EPB41L4A: variants seen among roughly 807,000 people sequenced by gnomAD.
EPB41L4A encodes the protein erythrocyte membrane protein band 4.1 like 4A.
Under a neutral mutation model 108.6 loss-of-function variants are expected in EPB41L4A, and 100 were observed. The observed-to-expected ratio is 0.92, with a 90% CI of 0.78 to 1.09. The LOEUF (loss-of-function observed/expected upper bound fraction) is 1.09, where lower values mean the gene tolerates loss of function less well. EPB41L4A is among the 50% of genes least tolerant of loss of function. The probability of loss-of-function intolerance (pLI) is 0.00; values close to 1 mark genes in which losing one functional copy is unlikely to be tolerated. For synonymous variants in EPB41L4A, 319 were observed against 289.0 expected, an observed-to-expected ratio of 1.10 and a Z score of -1.05; for missense variants, 1,030 against 842.7, an observed-to-expected ratio of 1.22 and a Z score of -2.75.
chr5:112,372,871 C>T (rs1002180628), intron 1 of EPB41L4A, among the ~76,000 whole-genome samples: 1 of 152,088 alleles, frequency 6.6e-6, no homozygotes, highest in Non-Finnish European at 1.5e-5. Context: ...TGGTGCCTGA[C>T]TAAAGGGTGG....
intron 1 of EPB41L4A, among the ~76,000 whole-genome samples, chr5:112,356,962 T>A (rs1468650611): frequency 6.6e-6 from 1 of 152,166 alleles, no homozygotes. Context: ...TTAAAGACAA[T>A]ATATACCAGT....
At chr5:112,394,891 A>T (rs1403567032) in intron 1 of EPB41L4A, among the ~76,000 whole-genome samples, 2 of 152,234 alleles carry the variant, frequency 1.3e-5, no homozygotes, top group African/African-American at 4.8e-5. Flanking sequence ...TGGTACCAAA[A>T]CAGAGATATA....
chr5:112,257,069 T>C (rs1047558592), intron 9 of EPB41L4A: 6 of 152,190 alleles, frequency 3.9e-5, no homozygotes, highest in African/African-American at 1.4e-4. Flanking sequence ...CCATTCTTCA[T>C]GCTGAATGTG....
chr5:112,415,936 T>C (rs926200961), intron 1 of EPB41L4A, among the ~76,000 whole-genome samples: 1 of 151,426 alleles, frequency 6.6e-6, no homozygotes, highest in African/African-American at 2.5e-5. Flanking sequence ...TCCGTAACAT[T>C]AACAGGGATG....
At chr5:112,166,174 T>C (rs1760232406) in intron 22 of EPB41L4A, among the ~76,000 whole-genome samples, 1 of 152,260 alleles carries the variant, frequency 6.6e-6, no homozygotes, top group Non-Finnish European at 1.5e-5. Context: ...TAGCAGCCTT[T>C]GCGTGAAAAG....
At chr5:112,347,776 A>C (rs1165592225) in intron 1 of EPB41L4A, among the ~76,000 whole-genome samples, 1 of 152,196 alleles carries the variant, frequency 6.6e-6, no homozygotes, top group Non-Finnish European at 1.5e-5. Context: ...AGCCACAGTA[A>C]AGGGGCATCC....
At chr5:112,271,908 C>T (rs928085698) in intron 4 of EPB41L4A, among the ~76,000 whole-genome samples, 5 of 152,104 alleles carry the variant, frequency 3.3e-5, no homozygotes, top group African/African-American at 9.7e-5. Context: ...TCAGAATATA[C>T]GACCTGAAAG....
chr5:112,194,284 A>T (rs775918061), intron 17 of EPB41L4A, among the ~76,000 whole-genome samples: 40 of 152,176 alleles, frequency 2.6e-4, no homozygotes, highest in Non-Finnish European at 5.4e-4. Context: ...AGCCTTAGAG[A>T]AATTCACTAC....
chr5:112,320,747 G>C (rs573753915), intron 1 of EPB41L4A, among the ~76,000 whole-genome samples: 8 of 152,264 alleles, frequency 5.3e-5, no homozygotes, highest in African/African-American at 1.7e-4. Flanking sequence ...ACGTAGTGAT[G>C]GGAAGATCAG....
chr5:112,380,130 C>A (rs571825641), intron 1 of EPB41L4A, among the ~76,000 whole-genome samples: 1 of 152,264 alleles, frequency 6.6e-6, no homozygotes, highest in Non-Finnish European at 1.5e-5. Context: ...CAGAGAACAG[C>A]TGCAGGAGTG....
intron 13 of EPB41L4A, among the ~76,000 whole-genome samples, chr5:112,145,667 T>A (rs1225941511): frequency 6.6e-6 from 1 of 152,212 alleles, no homozygotes; most frequent in Non-Finnish European, 1.5e-5. Context: ...TTAACCAGCC[T>A]AAGACTTAGG....
chr5:112,218,917 T>G (rs894201408), intron 12 of EPB41L4A, among the ~76,000 whole-genome samples: 1 of 152,194 alleles, frequency 6.6e-6, no homozygotes, highest in Non-Finnish European at 1.5e-5. Context: ...TAATTTGAAG[T>G]ATAAATATGA....
chr5:112,176,508 C>T (rs192127106), intron 18 of EPB41L4A, among the ~76,000 whole-genome samples: 8 of 152,190 alleles, frequency 5.3e-5, no homozygotes, highest in Admixed American at 2.0e-4. Context: ...CAGTAAAACA[C>T]GATGCTACCC....
At chr5:112,412,754 T>C (rs1762483450) in intron 1 of EPB41L4A, among the ~76,000 whole-genome samples, 1 of 152,136 alleles carries the variant, frequency 6.6e-6, no homozygotes, top group Non-Finnish European at 1.5e-5. Flanking sequence ...TTGTCAGAGA[T>C]AAAGCTGAAC....
At chr5:112,364,175 C>T (rs1228744541) in intron 1 of EPB41L4A, among the ~76,000 whole-genome samples, 2 of 152,122 alleles carry the variant, frequency 1.3e-5, no homozygotes, top group Admixed American at 6.5e-5. Context: ...TACAGGCACC[C>T]GCCATCATGC....
rs1274032313 is a variant in EPB41L4A at position 112,169,177 on chromosome 5, T to C, written c.1740-72A>G. Reference sequence around the variant, plus strand: ...AAAGGAAAAGTAGGAGTTCTTAATATTGAAACCGCAAAAGAATAACAACTT... The same window carrying C: ...AAAGGAAAAGTAGGAGTTCTTAATACTGAAACCGCAAAAGAATAACAACTT... On this transcript the variant is annotated intron_variant, in intron 20 of 22. Coordinates refer to ENST00000261486, the MANE Select transcript of EPB41L4A (RefSeq NM_022140.5). 2.1e-5 allele frequency: 22 copies of C among 1,040,154 alleles called. No individual in the cohort carries two copies. In the African/African-American group the frequency reaches 3.1e-4, roughly 15 times the overall value. 64.4% of individuals were successfully genotyped at this position (1,040,154 alleles called of 1,614,324 possible).
chr5:112,231,947 A>C (rs1454575688), intron 12 of EPB41L4A, among the ~76,000 whole-genome samples: 1 of 150,580 alleles, frequency 6.6e-6, no homozygotes, highest in East Asian at 2.0e-4. Context: ...TCTACAAAAA[A>C]TAAAAGATTA....
chr5:112,198,224 G>T (rs1469801798), intron 15 of EPB41L4A, among the ~76,000 whole-genome samples: 1 of 151,964 alleles, frequency 6.6e-6, no homozygotes, highest in African/African-American at 2.4e-5. Context: ...GTAGAGACAG[G>T]GTTTCACCAT....
intron 1 of EPB41L4A, among the ~76,000 whole-genome samples, chr5:112,355,052 A>T (rs1758283389): frequency 6.6e-6 from 1 of 152,220 alleles, no homozygotes. Flanking sequence ...TGAAAATCTG[A>T]CCAACAAATG....
Sources: gnomAD v4.1 joint callset for allele counts (sites outside exome capture counted in the v4.1 genomes callset) on GRCh38, gnomAD v4.1.1 for gene constraint, MANE v1.5 for transcripts, NCBI Gene and HGNC (gene_info 2026-07-23, HGNC 2026-07-21) for gene names.